Variants in PKN2 observed in about 807,000 individuals in gnomAD.
PKN2 encodes the protein protein kinase N2.
A neutral mutation model predicts 119.1 loss-of-function variants in PKN2; 38 were observed. The ratio of observed to expected loss-of-function variants is 0.32; its 90% CI spans 0.25 to 0.42. PKN2 has a LOEUF of 0.42. Ranked by LOEUF, PKN2 falls within the 10% of genes least tolerant of loss-of-function variation. The pLI is 1.00. For synonymous variants in PKN2, 390 were observed against 384.9 expected (o/e 1.01, Z -0.15); for missense variants, 850 against 1,165.1 (o/e 0.73, Z 3.94).
At chr1:88,791,422 T>C (rs1234477991) in intron 8 of PKN2, among the ~76,000 whole-genome samples, 1 of 146,196 alleles carries the variant, frequency 6.8e-6, no homozygotes. Flanking sequence ...AGAGTGAAAC[T>C]CTGTCTCAAA....
At chr1:88,730,112 C>T (rs904852547) in intron 1 of PKN2, among the ~76,000 whole-genome samples, 7 of 151,126 alleles carry the variant, frequency 4.6e-5, no homozygotes, top group South Asian at 2.1e-4. Flanking sequence ...TTGCAGTGAG[C>T]GGAGATTGTG....
intron 1 of PKN2, among the ~76,000 whole-genome samples, chr1:88,709,484 G>A (rs1466795141): frequency 1.3e-5 from 2 of 152,130 alleles, no homozygotes; most frequent in African/African-American, 2.4e-5. Context: ...CACACGTTGA[G>A]AACTGCTGAA....
At chr1:88,687,863 T>A (rs1666166075) in intron 1 of PKN2, among the ~76,000 whole-genome samples, 1 of 152,192 alleles carries the variant, frequency 6.6e-6, no homozygotes, top group African/African-American at 2.4e-5. Context: ...TAGAAGATAA[T>A]TATAAGAGAC....
At chr1:88,724,457 A>AT (rs1413366457) in intron 1 of PKN2, among the ~76,000 whole-genome samples, 1 of 151,734 alleles carries the variant, frequency 6.6e-6, no homozygotes, top group Non-Finnish European at 1.5e-5. Flanking sequence ...TATGCTACCT[A>AT]TTTTTTTGAT....
chr1:88,737,713 G>T (rs1353429007), intron 1 of PKN2, among the ~76,000 whole-genome samples: 3 of 152,166 alleles, frequency 2.0e-5, no homozygotes, highest in Non-Finnish European at 4.4e-5. Context: ...GGGTTAAGGG[G>T]CATGGGGTTC....
rs113270975 is a variant in PKN2 at position 88,742,130 on chromosome 1, A to G, written c.349+842A>G. The stretch of plus-strand genomic sequence containing the variant: ...AAGCCAAGGCCTCAAGACATTATCA[A>G]TCTCTGTAACTGTCAATTTTTTTAT... On this transcript the variant is annotated intron_variant, in intron 2 of 21. Transcript: ENST00000370521. Among the ~76,000 whole-genome samples, 1,164 of 152,236 alleles carry G rather than the reference A, an allele frequency of 7.6e-3. 12 individuals are homozygous for G. Among genetic ancestry groups the G allele is most frequent in the African/African-American group, 0.025 (1,046 of 41,556 alleles).
intron 1 of PKN2, among the ~76,000 whole-genome samples, chr1:88,716,838 T>C (rs1667477079): frequency 6.6e-6 from 1 of 152,246 alleles, no homozygotes. Flanking sequence ...CCTGTCATTA[T>C]GATGTTAGCT....
chr1:88,717,727 A>T (rs1185025008), intron 1 of PKN2, among the ~76,000 whole-genome samples: 2 of 151,818 alleles, frequency 1.3e-5, no homozygotes, highest in African/African-American at 2.4e-5. Context: ...CTTCCTTGCG[A>T]TGGGTTCGAA....
At chr1:88,811,238 G>A (rs970950525) in intron 15 of PKN2, among the ~76,000 whole-genome samples, 1 of 152,138 alleles carries the variant, frequency 6.6e-6, no homozygotes, top group South Asian at 2.1e-4. Context: ...CAACAGAATA[G>A]GGTTGGAAGT....
intron 16 of PKN2, among the ~76,000 whole-genome samples, chr1:88,818,527 A>G (rs984910039): frequency 1.3e-5 from 2 of 152,054 alleles, no homozygotes; most frequent in Non-Finnish European, 2.9e-5. Flanking sequence ...ACACGCCTGT[A>G]ATCCCAGCTA....
rs78078934 is a variant in PKN2, at chr1:88,826,034, T to A, written c.2419+1648T>A. ...CCTCTACAGGCAAGTTACCAGAGATTCCCTTTTACTACCCCAACTCCCAAG... is the reference window on the plus strand; with the variant it reads ...CCTCTACAGGCAAGTTACCAGAGATACCCTTTTACTACCCCAACTCCCAAG... On this transcript the variant is annotated intron_variant, in intron 18 of 21. Transcript: ENST00000370521. Among the ~76,000 whole-genome samples the A allele has an allele frequency of 5.1e-3, 773 of 152,320 alleles. 3 individuals are homozygous for A. Among genetic ancestry groups the A allele is most frequent in the African/African-American group, 0.018 (728 of 41,570 alleles).
At chr1:88,750,524 G>A (rs892426442) in intron 2 of PKN2, among the ~76,000 whole-genome samples, 5 of 152,102 alleles carry the variant, frequency 3.3e-5, no homozygotes, top group African/African-American at 1.2e-4. Flanking sequence ...TTATCCCTAA[G>A]GAAATTTTAA....
Position 88,786,215 on chromosome 1 carries a change from T to C in PKN2, c.1281+2T>C. 7.2e-7 allele frequency: 1 copy of C among 1,386,466 alleles called. No homozygotes were observed. The highest frequency in any genetic ancestry group is 1.0e-6 in the Non-Finnish European group (1 of 985,004). The allele number at this position is 1,386,466 out of a possible 1,614,324, so 85.9% of individuals were successfully genotyped here. A position where few individuals can be genotyped will look rare whatever the true frequency, so the allele number is the denominator to read the frequency against. On this transcript the variant is annotated splice_donor_variant, in intron 8 of 21. Coordinates refer to ENST00000370521, the MANE Select transcript of PKN2 (RefSeq NM_006256.4). LOFTEE classifies it high-confidence loss of function. ...AAGTTTACACTGGAACTGGACAGGG[T>C]AAGAGGACTAACATTTTACTTGAAT... is the stretch of plus-strand genomic sequence containing the variant.
chr1:88,777,598 C>T (rs1480315153), intron 6 of PKN2, among the ~76,000 whole-genome samples: 1 of 152,116 alleles, frequency 6.6e-6, no homozygotes, highest in East Asian at 1.9e-4. Flanking sequence ...AGAGACTATT[C>T]TTTCTCATGT....
At position 88,786,180 on chromosome 1, in the gene PKN2, A is replaced by C. The variant is rs1670564481; in HGVS notation, c.1248A>C (p.Ser416=). The change falls in exon 8 of 22, where the codon TCA becomes TCC. Residue 416 remains serine, a synonymous_variant. Coordinates refer to ENST00000370521, the MANE Select transcript of PKN2 (RefSeq NM_006256.4). Reference sequence around the variant, plus strand: ...GCTGGAAACCCATTTCCAATCAGTCATGGGACCAGAAGTTTACACTGGAAC... The same window carrying C: ...GCTGGAAACCCATTTCCAATCAGTCCTGGGACCAGAAGTTTACACTGGAAC... The part of the protein sequence containing the change: ...QTSWKPISNQ[S]WDQKFTLELD... The C allele has an allele frequency of 1.2e-6, 2 of 1,610,006 alleles. No individual in the cohort carries two copies. The highest frequency in any genetic ancestry group is 1.3e-5 in the African/African-American group (1 of 74,998).
chr1:88,707,214 G>A (rs997468156), intron 1 of PKN2, among the ~76,000 whole-genome samples: 5 of 151,786 alleles, frequency 3.3e-5, no homozygotes, highest in Admixed American at 6.6e-5. Context: ...AAAAATAAAC[G>A]TTTTATAGAT....
chr1:88,705,724 C>G (rs1223349014), intron 1 of PKN2, among the ~76,000 whole-genome samples: 2 of 151,976 alleles, frequency 1.3e-5, no homozygotes, highest in Non-Finnish European at 2.9e-5. Flanking sequence ...TATATTCTTT[C>G]TCCACTGAAT....
In PKN2 at chr1:88,833,296, C is replaced by A. The variant is rs746091445; in HGVS notation, c.2803C>A (p.Pro935Thr). Residue 935 changes from proline to threonine, a missense_variant, in exon 22 of 22, where the codon CCT (proline) becomes ACT (threonine). By Grantham distance (38) the Pro-to-Thr change is conservative. Coordinates refer to ENST00000370521, the MANE Select transcript of PKN2 (RefSeq NM_006256.4). ...MDKKVKPPFIPTIRGREDVSN... is the reference protein window; with the variant it reads ...MDKKVKPPFITTIRGREDVSN... ...CAAAAAAGTAAAGCCACCATTTATA[C>A]CTACCATAAGAGGACGAGAAGATGT... 6.2e-7 allele frequency: 1 copy of A among 1,613,200 alleles called. No homozygotes were observed. The highest frequency in any genetic ancestry group is 1.1e-5 in the South Asian group (1 of 91,062).
At chr1:88,723,989 A>G (rs938097772) in intron 1 of PKN2, among the ~76,000 whole-genome samples, 1 of 152,130 alleles carries the variant, frequency 6.6e-6, no homozygotes, top group African/African-American at 2.4e-5. Context: ...TTTAAGTTAG[A>G]GATGAGATTT....
Sources: gnomAD v4.1 joint callset for allele counts (sites outside exome capture counted in the v4.1 genomes callset) on GRCh38, gnomAD v4.1.1 for gene constraint, MANE v1.5 for transcripts, NCBI Gene and HGNC (gene_info 2026-07-23, HGNC 2026-07-21) for gene names.